Variants in DOCK4 observed in about 807,000 individuals in gnomAD.
DOCK4 encodes dedicator of cytokinesis 4.
DOCK4 carries 97 observed loss-of-function variants against 268.1 expected under a neutral mutation model. The observed-to-expected ratio is 0.36, with a 90% CI of 0.31 to 0.43. The LOEUF is 0.43. Among genes scored for constraint, DOCK4 ranks in the 20% least tolerant of loss-of-function variants. The pLI is 1.00. For synonymous variants in DOCK4, 954 were observed against 887.2 expected, an observed-to-expected ratio of 1.08 and a Z score of -1.34; for missense variants, 2,145 against 2,455.7, an observed-to-expected ratio of 0.87 and a Z score of 2.67.
intron 23 of DOCK4, among the ~76,000 whole-genome samples, chr7:111,851,716 T>C (rs1308934449): frequency 2.6e-5 from 4 of 152,078 alleles, no homozygotes; most frequent in African/African-American, 9.7e-5. Flanking sequence ...AGCCTCAGTC[T>C]TTTCATCTGT....
chr7:111,895,156 T>G (rs1163675405), intron 16 of DOCK4, among the ~76,000 whole-genome samples: 1 of 152,220 alleles, frequency 6.6e-6, no homozygotes. Context: ...AATTCTTGAT[T>G]TATAAGAACT....
At chr7:112,135,773 C>CA (rs34639449) in intron 1 of DOCK4, among the ~76,000 whole-genome samples, 59,148 of 145,704 alleles carry the variant, frequency 0.41, 11,543 homozygotes, top group East Asian at 0.49. Flanking sequence ...GTCCTCTCAC[C>CA]AAAAAAAAAA....
intron 1 of DOCK4, among the ~76,000 whole-genome samples, chr7:112,165,683 A>G (rs528784466): frequency 6.6e-6 from 1 of 152,166 alleles, no homozygotes; most frequent in South Asian, 2.1e-4. Flanking sequence ...CTTGATATTT[A>G]AATATCAAGT....
At chr7:111,911,949 T>G (rs1269054333) in intron 13 of DOCK4, among the ~76,000 whole-genome samples, 1 of 152,198 alleles carries the variant, frequency 6.6e-6, no homozygotes, top group Non-Finnish European at 1.5e-5. Context: ...CAGAATAGCA[T>G]GCCACCAAGT....
In DOCK4 at chr7:111,739,447, T is replaced by C. The variant is rs1034433349; in HGVS notation, c.5071A>G (p.Thr1691Ala). 13 of 1,573,726 alleles carry C rather than the reference T, an allele frequency of 8.3e-6. No homozygotes were observed. The highest frequency in any genetic ancestry group is 1.4e-5 in the African/African-American group (1 of 73,842). ...PSPSTSSLSS[T>A]HSASPNVTSS... ...GTCACATTAGGTGAAGCCGAGTGAG[T>C]AGAACTCAAGCTTGAGGTAGATGGA... is the stretch of plus-strand genomic sequence containing the variant. Residue 1691 changes from threonine (T) to alanine (A), a missense_variant, in exon 48 of 53, where the codon ACT becomes GCT. This residue lies in a region of DOCK4 where 547 missense variants were observed against 469.0 expected (regional missense o/e 1.17). Coordinates refer to ENST00000428084, the MANE Select transcript of DOCK4 (RefSeq NM_001363540.2).
chr7:111,840,620 T>C (rs1803604451), intron 25 of DOCK4: 1 of 178,644 alleles, frequency 5.6e-6, no homozygotes, highest in South Asian at 1.3e-4. Context: ...ATTTTAAAAA[T>C]AAGGCCTCTG....
chr7:111,863,276 A>T, intron 23 of DOCK4, 96 bp downstream of exon 23: 1 of 1,300,980 alleles, frequency 7.7e-7, no homozygotes, highest in Non-Finnish European at 1.1e-6. Flanking sequence ...AATGCCTTTT[A>T]GTGTTTTGTT....
rs1163866548 is a variant in DOCK4 at position 112,066,656 on chromosome 7, A to G, written c.38-62525T>C. ...TATACACACATATACATATATACAC[A>G]TATTATACATATACATATACATATA... On this transcript the variant is annotated intron_variant, in intron 1 of 52. Coordinates refer to ENST00000428084, the MANE Select transcript of DOCK4 (RefSeq NM_001363540.2). Among the ~76,000 whole-genome samples, 295 of 120,366 alleles carry G rather than the reference A, an allele frequency of 2.5e-3. 15 individuals carry two copies. Among genetic ancestry groups the G allele is most frequent in the African/African-American group, 9.6e-3 (266 of 27,806 alleles). The allele number at this position is 120,366 out of a possible 152,430, so 79.0% of individuals were successfully genotyped here.
chr7:111,888,369 G>A (rs983484637), intron 16 of DOCK4, among the ~76,000 whole-genome samples: 15 of 151,854 alleles, frequency 9.9e-5, no homozygotes, highest in Admixed American at 5.9e-4. Flanking sequence ...ACAATGGGAA[G>A]AAAATAGAGT....
intron 1 of DOCK4, among the ~76,000 whole-genome samples, chr7:112,153,303 A>G (rs544560304): frequency 6.6e-6 from 1 of 152,290 alleles, no homozygotes; most frequent in African/African-American, 2.4e-5. Flanking sequence ...GCCATTTAAA[A>G]ACTACATTTA....
chr7:111,993,301 C>T (rs910093423), intron 5 of DOCK4, among the ~76,000 whole-genome samples: 4 of 152,192 alleles, frequency 2.6e-5, no homozygotes, highest in African/African-American at 7.2e-5. Flanking sequence ...GAATTAATCC[C>T]TTCAAATGAT....
At chr7:111,963,038 T>C (rs1245602556) in intron 8 of DOCK4, among the ~76,000 whole-genome samples, 1 of 152,196 alleles carries the variant, frequency 6.6e-6, no homozygotes, top group East Asian at 1.9e-4. Flanking sequence ...CTGATGAGAA[T>C]GCAATACGTT....
At chr7:111,778,182 C>T (rs2133730642) in intron 36 of DOCK4, 94 bp downstream of exon 36, 1 of 805,520 alleles carries the variant, frequency 1.2e-6, no homozygotes, top group Non-Finnish European at 2.0e-6. Context: ...AGTAGAAATG[C>T]TTGAGTCTTT....
intron 1 of DOCK4, among the ~76,000 whole-genome samples, chr7:112,054,012 G>A (rs1401961729): frequency 1.3e-5 from 2 of 152,104 alleles, no homozygotes; most frequent in African/African-American, 2.4e-5. Flanking sequence ...GAAGAGCAGG[G>A]ACGAAATAAC....
At chr7:111,909,142 T>C (rs1217736127) in intron 13 of DOCK4, among the ~76,000 whole-genome samples, 3 of 152,198 alleles carry the variant, frequency 2.0e-5, no homozygotes, top group African/African-American at 7.2e-5. Context: ...AGTGTAAAAG[T>C]GTTCCTATTT....
chr7:111,914,915 T>C (rs1792457692), intron 13 of DOCK4, among the ~76,000 whole-genome samples: 2 of 152,246 alleles, frequency 1.3e-5, no homozygotes, highest in African/African-American at 4.8e-5. Context: ...TATTTATTTG[T>C]AGAATGAATG....
chr7:112,157,764 G>C (rs2260498), intron 1 of DOCK4, among the ~76,000 whole-genome samples: 57,826 of 152,018 alleles, frequency 0.38, 13,005 homozygotes, highest in East Asian at 0.69. Flanking sequence ...CAGGGCATGT[G>C]CTGAAAAGCA....
At chr7:111,931,625 G>C (rs2134674299) in intron 12 of DOCK4, among the ~76,000 whole-genome samples, 1 of 152,240 alleles carries the variant, frequency 6.6e-6, no homozygotes, top group African/African-American at 2.4e-5. Context: ...AAGTATAGAA[G>C]GGGTCGGTTC....
intron 1 of DOCK4, among the ~76,000 whole-genome samples, chr7:112,027,609 T>C (rs1802918263): frequency 6.6e-6 from 1 of 152,212 alleles, no homozygotes. Context: ...ACATATCAGC[T>C]CATTTGGCTT....
Sources: allele counts gnomAD v4.1 joint callset (sites outside exome capture counted in the v4.1 genomes callset), GRCh38; gene constraint gnomAD v4.1.1; regional missense constraint gnomAD v4.1.1; transcripts MANE v1.5; gene names NCBI Gene and HGNC (gene_info 2026-07-23, HGNC 2026-07-21).